The following EPRS1 variants were observed in gnomAD, a reference collection of about 807,000 sequenced individuals.
EPRS1 encodes bifunctional glutamate/proline--tRNA ligase.
A neutral mutation model predicts 188.3 loss-of-function variants in EPRS1; 107 were observed. The ratio of observed to expected loss-of-function variants is 0.57; its 90% CI spans 0.49 to 0.67. The LOEUF is 0.67. Among genes scored for constraint, EPRS1 ranks in the 30% least tolerant of loss-of-function variants. EPRS1 has a pLI of 0.00. For missense variants in EPRS1, 1,577 were observed against 1,802.2 expected, an observed-to-expected ratio of 0.88 and a Z score of 2.26; for synonymous variants, 596 against 593.1, an observed-to-expected ratio of 1.00 and a Z score of -0.07.
Position 220,040,186 on chromosome 1 carries a change from C to G in EPRS1, c.130G>C (p.Glu44Gln). The G allele has an allele frequency of 1.9e-6, 3 of 1,588,990 alleles. No homozygotes were observed. The highest frequency in any genetic ancestry group is 2.2e-5 in the East Asian group (1 of 44,762). Residue 44 changes from glutamate (E) to glutamine (Q), a missense_variant and splice_region_variant, in exon 2 of 32, where the codon GAA becomes CAA. Transcript: ENST00000366923. ...AAATAAAAAGATGAAAACACTTACT[C>G]AGAAACATGAAGAATATTCTCTTTC... Reference protein sequence around the residue: ...EGKENILHVSENVIFTDVNSI... With the variant: ...EGKENILHVSQNVIFTDVNSI...
intron 24 of EPRS1, 44 bp downstream of exon 24, chr1:219,981,334 A>G: frequency 2.4e-6 from 3 of 1,260,966 alleles, no homozygotes; most frequent in East Asian, 2.4e-5. Flanking sequence ...AAAAAAAAAA[A>G]GAACATGAAT....
intron 18 of EPRS1, among the ~76,000 whole-genome samples, chr1:219,989,918 C>T (rs2647479): frequency 2.6e-5 from 4 of 151,670 alleles, no homozygotes; most frequent in South Asian, 4.1e-4. Flanking sequence ...TCAAGAAAAA[C>T]GGCCAAGTTA....
Position 220,006,106 on chromosome 1 carries a change from C to A in EPRS1, c.1950G>T (p.Lys650Asn). The change falls in exon 15 of 32, where the codon AAG becomes AAT. Residue 650 changes from lysine (K) to asparagine (N), a missense_variant and splice_region_variant. By Grantham distance (94) the Lys-to-Asn change is moderately conservative. Transcript: ENST00000366923. ...AAATATGGTTTCTTTGGAAGGTTACCTTACTGTTCTTGTTGACATACTGCT... is the reference window on the plus strand; with the variant it reads ...AAATATGGTTTCTTTGGAAGGTTACATTACTGTTCTTGTTGACATACTGCT... ...DFKQYVNKNSKHEELMLGDPC... is the reference protein window; with the variant it reads ...DFKQYVNKNSNHEELMLGDPC... 6.5e-7 allele frequency: 1 copy of A among 1,534,748 alleles called. No homozygotes were observed.
chr1:219,993,358 C>A (rs1661161228), intron 18 of EPRS1, among the ~76,000 whole-genome samples: 3 of 152,196 alleles, frequency 2.0e-5, no homozygotes, highest in Admixed American at 1.3e-4. Flanking sequence ...TTTTATGCAG[C>A]AACCTACTGA....
chr1:220,025,799 T>C (rs1446722846), intron 6 of EPRS1, among the ~76,000 whole-genome samples: 1 of 151,834 alleles, frequency 6.6e-6, no homozygotes, highest in Non-Finnish European at 1.5e-5. Flanking sequence ...ATAAAAGTTT[T>C]TTTTTTTTTT....
At chr1:219,977,081 A>G (rs1468065006) in intron 28 of EPRS1, among the ~76,000 whole-genome samples, 3 of 152,170 alleles carry the variant, frequency 2.0e-5, no homozygotes, top group Admixed American at 6.5e-5. Context: ...ATGCGCGTAC[A>G]CATCGCTCAC....
chr1:219,997,076 G>A lies in EPRS1; in HGVS notation c.2448C>T (p.Ser816=), dbSNP rs1558049715. The A allele has an allele frequency of 6.2e-7, 1 of 1,613,966 alleles. No homozygotes were observed. The highest frequency in any genetic ancestry group is 8.5e-7 in the Non-Finnish European group (1 of 1,179,926). ...ATTTACTTTCCAGAATACTTGCTGAGGAATTAGAAGAAATATTCTGTCCTA... is the reference window on the plus strand; with the variant it reads ...ATTTACTTTCCAGAATACTTGCTGAAGAATTAGAAGAAATATTCTGTCCTA... ...AEIGQNISSN[S]SASILESKSL... is the part of the protein sequence containing the mutation. Residue 816 remains serine, a synonymous_variant, in exon 18 of 32, where the codon TCC becomes TCT. Coordinates refer to ENST00000366923, the MANE Select transcript of EPRS1 (RefSeq NM_004446.3).
intron 2 of EPRS1, among the ~76,000 whole-genome samples, chr1:220,039,878 C>T (rs925948511): frequency 2.6e-5 from 4 of 152,184 alleles, no homozygotes; most frequent in Non-Finnish European, 5.9e-5. Context: ...CGTCTTTAAC[C>T]CTAGTGCTTT....
rs547393366 is a variant in EPRS1, at chr1:220,025,557, C to G, written c.624-299G>C. On this transcript the variant is annotated intron_variant, in intron 6 of 31. Coordinates refer to ENST00000366923, the MANE Select transcript of EPRS1 (RefSeq NM_004446.3). ...AGGAGATTCTCCTTTTTCTTTTTAT[C>G]AAAAAGAATGATCATTTAATTAAAG... is the stretch of plus-strand genomic sequence containing the variant. Among the ~76,000 whole-genome samples, 8 of 151,946 alleles carry G rather than the reference C, an allele frequency of 5.3e-5. No homozygotes were observed. The East Asian group carries it at 1.5e-3, about 29-fold the overall frequency.
At chr1:220,025,795 G>GATT (rs1553253686) in intron 6 of EPRS1, among the ~76,000 whole-genome samples, 2 of 141,562 alleles carry the variant, frequency 1.4e-5, no homozygotes, top group Non-Finnish European at 1.6e-5. Flanking sequence ...CAAAATAAAA[G>GATT]TTTTTTTTTT....
At chr1:220,015,994 A>G (rs1017573891) in intron 12 of EPRS1, among the ~76,000 whole-genome samples, 10 of 152,154 alleles carry the variant, frequency 6.6e-5, no homozygotes, top group Non-Finnish European at 1.5e-4. Flanking sequence ...AATGAAACTG[A>G]AAGTATACCT....
Position 220,001,236 on chromosome 1 carries a change from C to T in EPRS1, c.2083G>A (p.Ala695Thr). The change falls in exon 17 of 32, where the codon GCC becomes ACC. Residue 695 changes from alanine to threonine, a missense_variant. By Grantham distance (58) the Ala-to-Thr change is moderately conservative. Around this residue, in one of 3 missense-constraint regions of EPRS1, gnomAD observed 1,278 missense variants for 1,457.4 expected, o/e 0.88. Transcript: ENST00000366923. The part of the protein sequence containing the change: ...EPVSPYSCKE[A>T]PCVLIYIPDG... ...GGAATGTATATCAAAACACACGGGG[C>T]TTCCTTGCAACTATATGGGCTAAAA... The T allele has an allele frequency of 1.2e-6, 2 of 1,611,524 alleles. No homozygotes were observed. The highest frequency in any genetic ancestry group is 8.5e-7 in the Non-Finnish European group (1 of 1,177,700).
chr1:219,998,635 C>T (rs1018404060), intron 17 of EPRS1, among the ~76,000 whole-genome samples: 4 of 150,376 alleles, frequency 2.7e-5, no homozygotes, highest in African/African-American at 9.8e-5. Context: ...CTCCGCCTCC[C>T]GGGTTCAAGT....
In EPRS1 at chr1:219,971,795, T is replaced by TATATATATATACACACAC. The variant is rs140568859; in HGVS notation, c.4323+273_4323+274insGTGTGTGTATATATATAT. Among the ~76,000 whole-genome samples the TATATATATATACACACAC allele has an allele frequency of 3.7e-5, 4 of 108,430 alleles. 1 individual carries two copies. The highest frequency in any genetic ancestry group is 1.3e-4 in the African/African-American group (4 of 31,288). The allele number at this position is 108,430 out of a possible 152,430, so 71.1% of individuals were successfully genotyped here. A position where few individuals can be genotyped will look rare whatever the true frequency, so the allele number is the denominator to read the frequency against. On this transcript the variant is annotated intron_variant, in intron 30 of 31. Transcript: ENST00000366923. Reference sequence around the variant, plus strand: ...GTAGAAAACAAAGACTATATATATATACATATACACACACACTATATTTAT... The same window carrying TATATATATATACACACAC: ...GTAGAAAACAAAGACTATATATATATATATATATATACACACACACATATACACACACACTATATTTAT...
At chr1:220,043,930 G>T (rs1662348976) in intron 1 of EPRS1, among the ~76,000 whole-genome samples, 1 of 152,144 alleles carries the variant, frequency 6.6e-6, no homozygotes, top group African/African-American at 2.4e-5. Context: ...AATAATGATA[G>T]AACAAGGATG....
intron 20 of EPRS1, among the ~76,000 whole-genome samples, chr1:219,986,096 T>C (rs1226192880): frequency 6.6e-6 from 1 of 152,198 alleles, no homozygotes; most frequent in Admixed American, 6.5e-5. Flanking sequence ...ACATTGTGTA[T>C]ATGACATGAG....
intron 12 of EPRS1, 41 bp from the exon 13 acceptor site, chr1:220,011,097 T>A: frequency 8.7e-7 from 1 of 1,146,428 alleles, no homozygotes. Flanking sequence ...CTGCGATATC[T>A]TATAGAGCGC....
chr1:220,037,401 A>G (rs1378595741), intron 2 of EPRS1, among the ~76,000 whole-genome samples: 4 of 150,770 alleles, frequency 2.7e-5, no homozygotes, highest in Admixed American at 2.0e-4. Flanking sequence ...GCTACTTAGG[A>G]GGCTGAGGCA....
At chr1:219,988,517 C>G (rs2291838) in intron 19 of EPRS1, 73 bp downstream of exon 19, 152,497 of 1,008,972 alleles carry the variant, frequency 0.15, 14,682 homozygotes, top group African/African-American at 0.36. Flanking sequence ...TGATGGGGCA[C>G]AAAACACTTG....
Sources: allele counts gnomAD v4.1 joint callset (sites outside exome capture counted in the v4.1 genomes callset), GRCh38; gene constraint gnomAD v4.1.1; regional missense constraint gnomAD v4.1.1; transcripts MANE v1.5; gene names NCBI Gene and HGNC (gene_info 2026-07-23, HGNC 2026-07-21).